The following C10orf90 variants were observed in gnomAD, a reference collection of about 807,000 sequenced individuals.
C10orf90 encodes the protein chromosome 10 open reading frame 90, also known as (E2-independent) E3 ubiquitin-conjugating enzyme FATS.
A neutral mutation model predicts 62.5 loss-of-function variants in C10orf90; 56 were observed. The ratio of observed to expected loss-of-function variants is 0.90; its 90% CI spans 0.72 to 1.12. The LOEUF is 1.12. Among genes scored for constraint, C10orf90 ranks in the 50% most tolerant of loss-of-function variants. The pLI is 0.00. For synonymous variants in C10orf90, 386 were observed against 340.4 expected (o/e 1.13, Z -1.47); for missense variants, 970 against 880.4 (o/e 1.10, Z -1.29).
intron 2 of C10orf90, among the ~76,000 whole-genome samples, chr10:126,632,050 T>C (rs139158872): frequency 2.8e-3 from 420 of 152,134 alleles, no homozygotes; most frequent in African/African-American, 9.5e-3. Context: ...AAACTCATAA[T>C]GGAAGAGATG....
At chr10:126,652,095 G>A (rs1416006872) in intron 1 of C10orf90, among the ~76,000 whole-genome samples, 3 of 152,092 alleles carry the variant, frequency 2.0e-5, no homozygotes, top group Non-Finnish European at 4.4e-5. Flanking sequence ...GAACTCTTCT[G>A]CAACAATAAT....
At position 126,464,747 on chromosome 10, in the gene C10orf90, C is replaced by A. The variant is rs775799341; in HGVS notation, c.1774G>T (p.Ala592Ser). ...GFLCPLQDVC[A>S]SLQEDNGVQI... is the part of the protein sequence containing the mutation. ...ACACCATTGTCTTCCTGCAGAGATG[C>A]ACATACATCTTGTAAGGGGCAAAGA... is the stretch of plus-strand genomic sequence containing the variant. Residue 592 changes from alanine (A) to serine (S), a missense_variant, in exon 5 of 10, where the codon GCA becomes TCA. Physicochemically the swap from Ala to Ser is moderately conservative, Grantham distance 99. Transcript: ENST00000488181. The A allele has an allele frequency of 1.2e-6, 2 of 1,614,012 alleles. No homozygotes were observed. Among genetic ancestry groups the A allele is most frequent in the African/African-American group, 2.7e-5 (2 of 74,904 alleles).
chr10:126,516,619 C>T (rs1564850691), intron 2 of C10orf90, among the ~76,000 whole-genome samples: 1 of 152,190 alleles, frequency 6.6e-6, no homozygotes, highest in African/African-American at 2.4e-5. Context: ...TGGGGAGATG[C>T]CTCGTCTCCA....
intron 4 of C10orf90, among the ~76,000 whole-genome samples, chr10:126,469,234 A>T (rs1046917495): frequency 7.9e-5 from 12 of 152,234 alleles, no homozygotes; most frequent in African/African-American, 2.9e-4. Context: ...AGAATCATTT[A>T]TATCCAGATT....
intron 1 of C10orf90, among the ~76,000 whole-genome samples, chr10:126,663,462 G>T (rs1187856386): frequency 6.6e-6 from 1 of 152,200 alleles, no homozygotes. Context: ...TGGCCTCACA[G>T]AATTTTCTCT....
At chr10:126,491,841 A>G (rs1861789347) in intron 4 of C10orf90, among the ~76,000 whole-genome samples, 1 of 152,364 alleles carries the variant, frequency 6.6e-6, no homozygotes, top group South Asian at 2.1e-4. Context: ...CTGGCAAATC[A>G]TTTAGGAAAA....
At chr10:126,510,872 G>A (rs377744578) in intron 3 of C10orf90, among the ~76,000 whole-genome samples, 4 of 152,196 alleles carry the variant, frequency 2.6e-5, no homozygotes, top group South Asian at 2.1e-4. Context: ...CAGAGGAATC[G>A]GCTCCTAAGC....
chr10:126,474,406 G>C (rs1271488296), intron 4 of C10orf90, among the ~76,000 whole-genome samples: 1 of 152,208 alleles, frequency 6.6e-6, no homozygotes, highest in Non-Finnish European at 1.5e-5. Flanking sequence ...AAGAGAACAA[G>C]AATAAGAACA....
intron 2 of C10orf90, among the ~76,000 whole-genome samples, chr10:126,526,759 C>A (rs1863961675): frequency 6.6e-6 from 1 of 152,194 alleles, no homozygotes; most frequent in Non-Finnish European, 1.5e-5. Context: ...AACCACTCAA[C>A]AACTGTCTCT....
chr10:126,463,226 A>G (rs933466472), intron 5 of C10orf90: 2 of 152,598 alleles, frequency 1.3e-5, no homozygotes, highest in African/African-American at 4.8e-5. Context: ...CCCAAGGGCC[A>G]ACCCTAACAC....
chr10:126,513,981 A>C, intron 2 of C10orf90, 42 bp from the exon 3 acceptor site: 2 of 1,403,028 alleles, frequency 1.4e-6, no homozygotes, highest in Non-Finnish European at 2.0e-6. Flanking sequence ...TAGTATATAA[A>C]AGGATAAAAT....
At chr10:126,460,050 C>T (rs1859868541) in intron 6 of C10orf90, among the ~76,000 whole-genome samples, 1 of 152,224 alleles carries the variant, frequency 6.6e-6, no homozygotes, top group African/African-American at 2.4e-5. Flanking sequence ...TCCACGGGAA[C>T]CCCATTCTTT....
chr10:126,573,842 T>A (rs74941294), intron 2 of C10orf90, among the ~76,000 whole-genome samples: 3,360 of 152,180 alleles, frequency 0.022, 53 homozygotes, highest in African/African-American at 0.045. Context: ...CTTTTTTTTT[T>A]AACCCTGCAT....
intron 6 of C10orf90, 96 bp downstream of exon 6, chr10:126,461,305 A>G: frequency 7.1e-7 from 1 of 1,408,976 alleles, no homozygotes. Context: ...TCAGGTTTCC[A>G]GCCTCAGAGG....
At chr10:126,507,668 TTG>T (rs1257235259) in intron 3 of C10orf90, among the ~76,000 whole-genome samples, 4 of 152,058 alleles carry the variant, frequency 2.6e-5, no homozygotes, top group African/African-American at 9.7e-5. Context: ...TCACCAGCAG[TTG>T]TCAGCCCAGG....
At chr10:126,613,913 G>A (rs2133806206) in intron 2 of C10orf90, among the ~76,000 whole-genome samples, 1 of 152,272 alleles carries the variant, frequency 6.6e-6, no homozygotes, top group South Asian at 2.1e-4. Context: ...CTCACCCCAT[G>A]CTTAGGAAAT....
chr10:126,604,374 C>T (rs573446358), intron 2 of C10orf90, among the ~76,000 whole-genome samples: 1 of 152,168 alleles, frequency 6.6e-6, no homozygotes, highest in Non-Finnish European at 1.5e-5. Context: ...GTTTGGCTAT[C>T]TTGATTCCTC....
At chr10:126,603,292 G>A (rs1333103929) in intron 2 of C10orf90, among the ~76,000 whole-genome samples, 11 of 152,062 alleles carry the variant, frequency 7.2e-5, no homozygotes, top group African/African-American at 2.4e-4. Context: ...CCTTCTTCAC[G>A]TGGCGGCATC....
chr10:126,425,810 A>G lies in C10orf90; in HGVS notation c.*54T>C, dbSNP rs910398790. On this transcript the variant is annotated 3_prime_UTR_variant, in exon 10 of 10. Transcript: ENST00000488181. ...TAATGCTAAGTTTAATGGCTTATCC[A>G]GCATTCGAAGTCCTCCCAGGTCCAG... 6 of 1,558,220 alleles carry G rather than the reference A, an allele frequency of 3.9e-6. No homozygotes were observed. In the Admixed American group the frequency reaches 1.2e-4, roughly 30 times the overall value.
Sources: allele counts gnomAD v4.1 joint callset (sites outside exome capture counted in the v4.1 genomes callset), GRCh38; gene constraint gnomAD v4.1.1; transcripts MANE v1.5; gene names NCBI Gene and HGNC (gene_info 2026-07-23, HGNC 2026-07-21).